The following TMPO variants were observed in gnomAD, a reference collection of about 807,000 sequenced individuals.
The protein encoded by TMPO is thymopoietin, also known as LEM domain containing 4.
In TMPO, 22 loss-of-function variants were observed where a neutral mutation model predicts 45.4. The ratio of observed to expected loss-of-function variants is 0.48; its 90% CI spans 0.35 to 0.69. The LOEUF (loss-of-function observed/expected upper bound fraction) is 0.69. TMPO is among the 30% of genes least tolerant of loss of function. TMPO has a pLI of 0.01. For missense variants in TMPO, 512 were observed against 548.8 expected (o/e 0.93, Z 0.67); for synonymous variants, 241 against 204.1 (o/e 1.18, Z -1.54).
chr12:98,529,901 G>T (rs1351936563), intron 2 of TMPO, among the ~76,000 whole-genome samples: 1 of 151,978 alleles, frequency 6.6e-6, no homozygotes, highest in Non-Finnish European at 1.5e-5. Flanking sequence ...CTAGAGATTT[G>T]GTAGGTTTTG....
intron 1 of TMPO, among the ~76,000 whole-genome samples, chr12:98,524,914 C>T (rs529721522): frequency 2.0e-5 from 3 of 152,322 alleles, no homozygotes; most frequent in Admixed American, 6.5e-5. Flanking sequence ...TCTTGAAAAC[C>T]TCTCAGGCGG....
intron 1 of TMPO, among the ~76,000 whole-genome samples, chr12:98,519,934 ATTTC>A (rs1876204668): frequency 6.6e-6 from 1 of 151,582 alleles, no homozygotes; most frequent in Non-Finnish European, 1.5e-5. Context: ...ACCAGGTCAT[ATTTC>A]TTTTTTTTTC....
intron 1 of TMPO, among the ~76,000 whole-genome samples, chr12:98,525,493 G>A (rs542934096): frequency 3.9e-4 from 59 of 152,152 alleles, no homozygotes; most frequent in Non-Finnish European, 7.1e-4. Flanking sequence ...GTAATCCTAG[G>A]ACTTTGGGAG....
chr12:98,544,325 G>A lies in TMPO; in HGVS notation c.759G>A (p.Gly253=), dbSNP rs769401627. Residue 253 remains glycine (G), a synonymous_variant, in exon 5 of 9, where the codon GGG becomes GGA. Transcript: ENST00000556029. ...LQALTRESTR[G]SRRTPRKRVE... ...CATTAACTAGGGAATCTACAAGAGG[G>A]TCAAGAAGAACTCCAAGGAAAAGGG... The A allele has an allele frequency of 7.4e-6, 12 of 1,613,860 alleles. No individual in the cohort carries two copies. Among genetic ancestry groups the A allele is most frequent in the Admixed American group, 1.7e-5 (1 of 59,998 alleles).
intron 3 of TMPO, 180 bp downstream of exon 3, chr12:98,532,018 A>G (rs1592943649): frequency 2.1e-5 from 12 of 577,564 alleles, no homozygotes; most frequent in Middle Eastern, 9.5e-4. Flanking sequence ...AAGAAGCAAC[A>G]TAGTACAAAT....
chr12:98,526,957 CAAA>C (rs71226765), intron 1 of TMPO, among the ~76,000 whole-genome samples: 3 of 142,684 alleles, frequency 2.1e-5, no homozygotes, highest in Non-Finnish European at 3.1e-5. Flanking sequence ...ACTCCACCTC[CAAA>C]AAAAAAAGAA....
chr12:98,532,744 T>A (rs1877283033), intron 3 of TMPO: 2 of 1,608,942 alleles, frequency 1.2e-6, no homozygotes, highest in Admixed American at 1.7e-5. Flanking sequence ...GACAGCACTA[T>A]TTTTAGCAAA....
chr12:98,533,975 A>G lies in TMPO; in HGVS notation c.565+2137A>G, dbSNP rs886049913. 15 of 1,610,260 alleles carry G rather than the reference A, an allele frequency of 9.3e-6. No homozygotes were observed. Among genetic ancestry groups the G allele is most frequent in the East Asian group, 2.2e-5 (1 of 44,818 alleles). On this transcript the variant is annotated intron_variant, in intron 3 of 8. Coordinates refer to ENST00000556029, the MANE Select transcript of TMPO (RefSeq NM_001032283.3). ...TTGGACTTAGCACTCTGTAGAGCAT[A>G]TGAAGCTGCAGCATCAGCATTGCAG...
chr12:98,518,132 C>CGA (rs1462360137), intron 1 of TMPO, among the ~76,000 whole-genome samples: 1 of 133,768 alleles, frequency 7.5e-6, no homozygotes, highest in African/African-American at 2.9e-5. Flanking sequence ...GGGACAAGAG[C>CGA]GAGACTTCGT....
intron 2 of TMPO, among the ~76,000 whole-genome samples, chr12:98,529,299 C>G (rs900822746): frequency 2.0e-5 from 3 of 152,086 alleles, no homozygotes; most frequent in African/African-American, 4.8e-5. Flanking sequence ...GGTGATCCCA[C>G]CCACCTCAGG....
At chr12:98,525,404 A>AT (rs1876689317) in intron 1 of TMPO, among the ~76,000 whole-genome samples, 1 of 152,208 alleles carries the variant, frequency 6.6e-6, no homozygotes, top group African/African-American at 2.4e-5. Flanking sequence ...ATGATTAGCC[A>AT]TTAGCAGCTT....
At chr12:98,535,622 A>T in intron 3 of TMPO, 1 of 985,412 alleles carries the variant, frequency 1.0e-6, no homozygotes, top group Non-Finnish European at 1.2e-6. Flanking sequence ...AAAGTTGTTA[A>T]ATTTGAACAG....
chr12:98,544,102 C>T (rs1878078312), intron 4 of TMPO, 128 bp from the exon 5 acceptor site: 1 of 1,010,464 alleles, frequency 9.9e-7, no homozygotes, highest in South Asian at 1.4e-5. Flanking sequence ...ATTTTGAGGA[C>T]ATAGCCTTGT....
At chr12:98,541,027 A>C (rs1026461712) in intron 4 of TMPO, among the ~76,000 whole-genome samples, 3 of 151,112 alleles carry the variant, frequency 2.0e-5, no homozygotes, top group Admixed American at 6.6e-5. Flanking sequence ...ATTTATGATC[A>C]GTTACAGTCA....
chr12:98,531,268 TCTTA>T (rs1402953914), intron 2 of TMPO, among the ~76,000 whole-genome samples: 5 of 134,990 alleles, frequency 3.7e-5, no homozygotes, highest in Admixed American at 8.0e-5. Flanking sequence ...TAAGACAGCA[TCTTA>T]CTTCCTCTCC....
intron 4 of TMPO, among the ~76,000 whole-genome samples, chr12:98,539,721 G>A (rs576137079): frequency 6.6e-5 from 10 of 152,176 alleles, no homozygotes; most frequent in African/African-American, 2.4e-4. Context: ...TGATCCACCC[G>A]CCTTGGCCTC....
chr12:98,532,031 A>G, intron 3 of TMPO, 193 bp downstream of exon 3: 1 of 533,888 alleles, frequency 1.9e-6, no homozygotes, highest in Admixed American at 3.5e-5. Flanking sequence ...GTACAAATTC[A>G]TAATTTTCCA....
chr12:98,531,949 T>C (rs960295340), intron 3 of TMPO, 111 bp downstream of exon 3: 15 of 842,616 alleles, frequency 1.8e-5, no homozygotes, highest in Non-Finnish European at 2.8e-5. Flanking sequence ...ACACAAATTT[T>C]ATTCGTGTCA....
chr12:98,538,829 G>A (rs1877729033), intron 4 of TMPO, among the ~76,000 whole-genome samples: 1 of 152,120 alleles, frequency 6.6e-6, no homozygotes, highest in Non-Finnish European at 1.5e-5. Flanking sequence ...TGTTAACATA[G>A]AACCAAATAC....
Sources: gnomAD v4.1 joint callset for allele counts (sites outside exome capture counted in the v4.1 genomes callset) on GRCh38, gnomAD v4.1.1 for gene constraint, MANE v1.5 for transcripts, NCBI Gene and HGNC (gene_info 2026-07-23, HGNC 2026-07-21) for gene names.